The following FEM1C variants were observed in gnomAD, a reference collection of about 807,000 sequenced individuals.
The protein encoded by FEM1C is protein fem-1 homolog C.
In FEM1C, 15 loss-of-function variants were observed where a neutral mutation model predicts 37.6. The ratio of observed to expected loss-of-function variants is 0.40; its 90% confidence interval spans 0.27 to 0.61. The LOEUF is 0.61. Ranked by LOEUF, FEM1C falls within the 20% of genes least tolerant of loss-of-function variation. FEM1C has a pLI of 0.42. For synonymous variants in FEM1C, 287 were observed against 272.8 expected (o/e 1.05, Z -0.51); for missense variants, 532 against 749.7 (o/e 0.71, Z 3.39).
rs1041011539 is a variant in FEM1C at position 115,522,776 on chromosome 5, A to G, written c.*1532T>C. 6.6e-6 allele frequency: 1 copy of G among 152,484 alleles called. No individual in the cohort carries two copies. Among genetic ancestry groups the G allele is most frequent in the Non-Finnish European group, 1.5e-5 (1 of 67,918 alleles). 9.4% of individuals were successfully genotyped at this position (152,484 alleles called of 1,614,324 possible). ...ATCAATAAGGAGCTTTTTATTGAGA[A>G]CAACTTCATTAAGACATTTGCAGGG... is the stretch of plus-strand genomic sequence containing the variant. On this transcript the variant is annotated 3_prime_UTR_variant, in exon 3 of 3. Coordinates refer to ENST00000274457, the MANE Select transcript of FEM1C (RefSeq NM_020177.3).
At chr5:115,537,288 G>A (rs1015919699) in intron 2 of FEM1C, among the ~76,000 whole-genome samples, 16 of 151,900 alleles carry the variant, frequency 1.1e-4, no homozygotes, top group African/African-American at 3.9e-4. Context: ...ATGAAAATCT[G>A]ATAAAAAATG....
chr5:115,543,193 A>G lies in FEM1C; in HGVS notation c.301T>C (p.Ser101Pro). 6.2e-7 allele frequency: 1 copy of G among 1,614,224 alleles called. No homozygotes were observed. Reference protein sequence around the residue: ...SAAGHLKVVQSLLNHGASVNN... With the variant: ...SAAGHLKVVQPLLNHGASVNN... ...ACAGATGCTCCATGATTTAACAAGG[A>G]CTGGACCACCTTCAGATGTCCTGCT... Residue 101 changes from serine (S) to proline (P), a missense_variant, in exon 2 of 3, where the codon TCC (serine) becomes CCC (proline). Around this residue, in one of 3 missense-constraint regions of FEM1C, gnomAD observed 221 missense variants for 404.1 expected, o/e 0.55. Coordinates refer to ENST00000274457, the MANE Select transcript of FEM1C (RefSeq NM_020177.3).
intron 2 of FEM1C, among the ~76,000 whole-genome samples, chr5:115,538,800 C>T (rs1754181381): frequency 6.6e-6 from 1 of 151,938 alleles, no homozygotes; most frequent in South Asian, 2.1e-4. Context: ...CTTCAAAGTG[C>T]CTTTCCTTAT....
At position 115,543,671 on chromosome 5, in the gene FEM1C, C is replaced by A; in HGVS notation, c.-178G>T. ...CCTACTGCTTTCCAACATCTGACAA[C>A]CAGGGCACCAAACTAGAGAAAGAAA... is the stretch of plus-strand genomic sequence containing the variant. On this transcript the variant is annotated 5_prime_UTR_variant, in exon 2 of 3. Transcript: ENST00000274457. 7.3e-7 allele frequency: 1 copy of A among 1,361,350 alleles called. No homozygotes were observed. 84.3% of individuals were successfully genotyped at this position (1,361,350 alleles called of 1,614,324 possible). A position where few individuals can be genotyped will look rare whatever the true frequency, so the allele number is the denominator to read the frequency against.
At chr5:115,538,443 T>C (rs574059598) in intron 2 of FEM1C, among the ~76,000 whole-genome samples, 5 of 152,024 alleles carry the variant, frequency 3.3e-5, no homozygotes, top group Non-Finnish European at 5.9e-5. Flanking sequence ...GCTTATAATC[T>C]TTCCTCTCTT....
In FEM1C at chr5:115,544,034, A is replaced by G. The variant is rs1163645627; in HGVS notation, c.-190-351T>C. On this transcript the variant is annotated intron_variant, in intron 1 of 2. Transcript: ENST00000274457. ...CGAAAGAGGCAGGAGACTCGGGTTCAGAAATGTTTCTCTTTCTTGCAACTG... is the reference window on the plus strand; with the variant it reads ...CGAAAGAGGCAGGAGACTCGGGTTCGGAAATGTTTCTCTTTCTTGCAACTG... 1.1e-5 allele frequency: 11 copies of G among 985,286 alleles called. No homozygotes were observed. The African/African-American group carries it at 1.4e-4, about 13-fold the overall frequency. 61.0% of individuals were successfully genotyped at this position (985,286 alleles called of 1,614,324 possible).
chr5:115,529,250 C>G (rs915440595), intron 2 of FEM1C, among the ~76,000 whole-genome samples: 1 of 198 alleles, frequency 5.1e-3, no homozygotes, highest in Admixed American at 0.056. Context: ...ACATACAACA[C>G]AGCAAACTGC....
At chr5:115,526,107 T>G (rs977457312) in intron 2 of FEM1C, among the ~76,000 whole-genome samples, 18 of 152,186 alleles carry the variant, frequency 1.2e-4, no homozygotes, top group Middle Eastern at 3.4e-3. Context: ...GCAATGCTCC[T>G]GCCTTAGTCT....
Position 115,521,783 on chromosome 5 carries a change from T to A in FEM1C, c.*2525A>T, listed in dbSNP as rs1199459556. 1 of 151,938 alleles carries A rather than the reference T, an allele frequency of 6.6e-6. No individual in the cohort carries two copies. Among genetic ancestry groups the A allele is most frequent in the African/African-American group, 2.4e-5 (1 of 41,442 alleles). The allele number at this position is 151,938 out of a possible 1,614,324, so 9.4% of individuals were successfully genotyped here. On this transcript the variant is annotated 3_prime_UTR_variant, in exon 3 of 3. Coordinates refer to ENST00000274457, the MANE Select transcript of FEM1C (RefSeq NM_020177.3). ...AAGTATTTTATTATAATCCATCTCATAATTGTGAGAATACTTTCTGACAAA... is the reference window on the plus strand; with the variant it reads ...AAGTATTTTATTATAATCCATCTCAAAATTGTGAGAATACTTTCTGACAAA...
Position 115,525,460 on chromosome 5 carries a change from T to C in FEM1C, c.702A>G (p.Thr234=). 1 of 1,613,698 alleles carries C rather than the reference T, an allele frequency of 6.2e-7. No individual in the cohort carries two copies. Among genetic ancestry groups the C allele is most frequent in the Non-Finnish European group, 8.5e-7 (1 of 1,179,770 alleles). ...CTGTCTTGCTGGTCTGTGCATGGTG[T>C]GTCAGAAAATCCACAATATTTGTGT... is the stretch of plus-strand genomic sequence containing the variant. ...TGHTNIVDFL[T]HHAQTSKTER... The change falls in exon 3 of 3, where the codon ACA becomes ACG. Residue 234 remains threonine, a synonymous_variant. Coordinates refer to ENST00000274457, the MANE Select transcript of FEM1C (RefSeq NM_020177.3).
Position 115,542,973 on chromosome 5 carries a change from T to A in FEM1C, c.521A>T (p.Asp174Val), listed in dbSNP as rs1754272474. The change falls in exon 2 of 3, where the codon GAT becomes GTT. Residue 174 changes from aspartate (D) to valine (V), a missense_variant. Physicochemically the swap from Asp to Val is radical, Grantham distance 152. Around this residue, in one of 3 missense-constraint regions of FEM1C, gnomAD observed 221 missense variants for 404.1 expected, o/e 0.55. Transcript: ENST00000274457. ...ACCTTTGACACTTTTTCTATTAACATCTGCCCCCTTTTCAAGTAAATACTG... is the reference window on the plus strand; with the variant it reads ...ACCTTTGACACTTTTTCTATTAACAACTGCCCCCTTTTCAAGTAAATACTG... ...IAQYLLEKGA[D>V]VNRKSVKGNT... The A allele has an allele frequency of 1.2e-6, 2 of 1,613,582 alleles. No homozygotes were observed. Among genetic ancestry groups the A allele is most frequent in the Non-Finnish European group, 1.7e-6 (2 of 1,179,620 alleles).
In FEM1C at chr5:115,523,652, G is replaced by A. The variant is rs1178993807; in HGVS notation, c.*656C>T. 2.0e-5 allele frequency: 3 copies of A among 152,500 alleles called. No individual in the cohort carries two copies. The highest frequency in any genetic ancestry group is 4.8e-5 in the African/African-American group (2 of 41,446). The allele number at this position is 152,500 out of a possible 1,614,324, so 9.4% of individuals were successfully genotyped here. ...AACCTGCAGCTCTAAAAATTGTCATGCTACAGAGTACTTTCAAAAAATTAA... is the reference window on the plus strand; with the variant it reads ...AACCTGCAGCTCTAAAAATTGTCATACTACAGAGTACTTTCAAAAAATTAA... On this transcript the variant is annotated 3_prime_UTR_variant, in exon 3 of 3. Transcript: ENST00000274457.
chr5:115,527,494 G>A (rs903213597), intron 2 of FEM1C, among the ~76,000 whole-genome samples: 3 of 152,086 alleles, frequency 2.0e-5, no homozygotes, highest in African/African-American at 7.2e-5. Flanking sequence ...AAAGAGCCCA[G>A]AACTTCTGAC....
rs1456026573 is a variant in FEM1C at position 115,544,686 on chromosome 5, C to G, written c.-354G>C. The G allele has an allele frequency of 6.5e-6, 1 of 153,280 alleles. No homozygotes were observed. Among genetic ancestry groups the G allele is most frequent in the African/African-American group, 2.4e-5 (1 of 41,484 alleles). 9.5% of individuals were successfully genotyped at this position (153,280 alleles called of 1,614,324 possible). ...CCCCAAAGGAATGAATCCGGCCGCG[C>G]TGTTCGCCACGCCCCGCCACCCGAG... On this transcript the variant is annotated 5_prime_UTR_variant, in exon 1 of 3. Transcript: ENST00000274457.
At chr5:115,535,278 A>G (rs1452513486) in intron 2 of FEM1C, among the ~76,000 whole-genome samples, 2 of 66,780 alleles carry the variant, frequency 3.0e-5, no homozygotes, top group East Asian at 7.8e-4. Context: ...CCACCATCAA[A>G]AAAGTTAAAA....
chr5:115,540,715 A>C (rs1432427250), intron 2 of FEM1C, among the ~76,000 whole-genome samples: 2 of 152,132 alleles, frequency 1.3e-5, no homozygotes, highest in Non-Finnish European at 2.9e-5. Flanking sequence ...CCACAAGTAC[A>C]TAAAGAAGCT....
Position 115,543,703 on chromosome 5 carries a change from G to GT in FEM1C, c.-190-21dup. On this transcript the variant is annotated intron_variant, in intron 1 of 2. Coordinates refer to ENST00000274457, the MANE Select transcript of FEM1C (RefSeq NM_020177.3). ...ACCAAACTAGAGAAAGAAAAAAAAA[G>GT]TAGCAGCATTTAATTTTCTATAGAA... is the stretch of plus-strand genomic sequence containing the variant. The GT allele has an allele frequency of 1.5e-6, 2 of 1,341,294 alleles. No individual in the cohort carries two copies. The highest frequency in any genetic ancestry group is 3.6e-5 in the Admixed American group (1 of 27,600). 83.1% of individuals were successfully genotyped at this position (1,341,294 alleles called of 1,614,324 possible).
At chr5:115,528,119 G>T (rs1753941379) in intron 2 of FEM1C, among the ~76,000 whole-genome samples, 1 of 148,292 alleles carries the variant, frequency 6.7e-6, no homozygotes, top group Non-Finnish European at 1.5e-5. Flanking sequence ...GAGAAAAAAA[G>T]TAGCTTTAAA....
chr5:115,525,105 T>A lies in FEM1C; in HGVS notation c.1057A>T (p.Asn353Tyr), dbSNP rs1753862181. 3 of 1,613,724 alleles carry A rather than the reference T, an allele frequency of 1.9e-6. No homozygotes were observed. Among genetic ancestry groups the A allele is most frequent in the Non-Finnish European group, 2.5e-6 (3 of 1,179,854 alleles). Residue 353 changes from asparagine (N) to tyrosine (Y), a missense_variant, in exon 3 of 3, where the codon AAT (asparagine) becomes TAT (tyrosine). By Grantham distance (143) the Asn-to-Tyr change is moderately radical (BLOSUM62 -2). Coordinates refer to ENST00000274457, the MANE Select transcript of FEM1C (RefSeq NM_020177.3). Reference sequence around the variant, plus strand: ...CATAGGTTGATGCATCGTTTGAAATTTCCAGAGTCTGCATAGACAGCGCCT... The same window carrying A: ...CATAGGTTGATGCATCGTTTGAAATATCCAGAGTCTGCATAGACAGCGCCT... ...YRGAVYADSG[N>Y]FKRCINLWKY...
Sources: allele counts gnomAD v4.1 joint callset (sites outside exome capture counted in the v4.1 genomes callset), GRCh38; gene constraint gnomAD v4.1.1; regional missense constraint gnomAD v4.1.1; transcripts MANE v1.5; gene names NCBI Gene and HGNC (gene_info 2026-07-23, HGNC 2026-07-21).